Variants in EFTUD2 observed in about 807,000 individuals in gnomAD.
EFTUD2 encodes elongation factor Tu GTP binding domain containing 2.
Under a neutral mutation model 114.3 loss-of-function variants are expected in EFTUD2, and 9 were observed. The ratio of observed to expected loss-of-function variants is 0.08; its 90% CI spans 0.05 to 0.14. EFTUD2 has a LOEUF of 0.14. Among genes scored for constraint, EFTUD2 ranks in the 10% least tolerant of loss-of-function variants. The pLI, the probability that EFTUD2 is intolerant of heterozygous loss-of-function variation, is 1.00. For missense variants in EFTUD2, 765 were observed against 1,241.2 expected (o/e 0.62, Z 5.76); for synonymous variants, 449 against 462.3 (o/e 0.97, Z 0.37).
chr17:44,853,964 A>C, intron 23 of EFTUD2: 1 of 1,359,222 alleles, frequency 7.4e-7, no homozygotes, highest in South Asian at 1.9e-5. Context: ...AAGCCCAATC[A>C]GGGTCTATAA....
At chr17:44,882,884 C>A (rs998438990) in intron 6 of EFTUD2, among the ~76,000 whole-genome samples, 2 of 152,076 alleles carry the variant, frequency 1.3e-5, no homozygotes, top group African/African-American at 4.8e-5. Context: ...AATGGATCAT[C>A]CAAAAATACT....
At chr17:44,876,503 C>T (rs1326898468) in intron 9 of EFTUD2, among the ~76,000 whole-genome samples, 1 of 152,074 alleles carries the variant, frequency 6.6e-6, no homozygotes, top group East Asian at 1.9e-4. Context: ...GTGAGAGGGC[C>T]TAGAAGCAAT....
At position 44,859,069 on chromosome 17, in the gene EFTUD2, T is replaced by G; in HGVS notation, c.1962+11A>C. ...GACCGTGAACCCAGCTCCCGGCAGA[T>G]ACTGCTGTACCTTGATGTCTATCTC... On this transcript the variant is annotated intron_variant, in intron 19 of 27. Coordinates refer to ENST00000426333, the MANE Select transcript of EFTUD2 (RefSeq NM_004247.4). 1 of 1,586,600 alleles carries G rather than the reference T, an allele frequency of 6.3e-7. No homozygotes were observed. The highest frequency in any genetic ancestry group is 8.7e-7 in the Non-Finnish European group (1 of 1,154,882).
At chr17:44,857,810 C>A (rs2050583767) in intron 19 of EFTUD2, among the ~76,000 whole-genome samples, 3 of 152,140 alleles carry the variant, frequency 2.0e-5, no homozygotes, top group Non-Finnish European at 4.4e-5. Context: ...TTGAAACCAC[C>A]CACTCTGAGA....
At chr17:44,867,392 T>C (rs1192416761) in intron 13 of EFTUD2, among the ~76,000 whole-genome samples, 1 of 149,006 alleles carries the variant, frequency 6.7e-6, no homozygotes, top group Non-Finnish European at 1.5e-5. Flanking sequence ...CTCTGCCTCC[T>C]GAGTTCAAGC....
intron 2 of EFTUD2, chr17:44,892,400 AC>A (rs1168644398): frequency 6.6e-6 from 1 of 152,172 alleles, no homozygotes; most frequent in African/African-American, 2.4e-5. Context: ...TCTGCTGGTG[AC>A]CCATTAATCA....
intron 4 of EFTUD2, chr17:44,883,987 C>T (rs1442213639): frequency 2.3e-6 from 1 of 444,432 alleles, no homozygotes; most frequent in Non-Finnish European, 4.2e-6. Flanking sequence ...GAAGAAGAGG[C>T]TGGGCATGGT....
intron 2 of EFTUD2, chr17:44,892,209 G>A (rs776442837): frequency 2.0e-5 from 3 of 152,166 alleles, no homozygotes; most frequent in African/African-American, 4.8e-5. Flanking sequence ...GCTGAATGAC[G>A]GGGCACAATG....
chr17:44,868,252 C>G lies in EFTUD2; in HGVS notation c.1058+35G>C, dbSNP rs771458219. On this transcript the variant is annotated intron_variant, in intron 12 of 27. Coordinates refer to ENST00000426333, the MANE Select transcript of EFTUD2 (RefSeq NM_004247.4). ...TCCTCACTTACTGGGTAAATGATCA[C>G]CCCTCTGGAAAGTCACGTCCCATAC... The G allele has an allele frequency of 1.9e-6, 3 of 1,591,706 alleles. No individual in the cohort carries two copies. In the African/African-American group the frequency reaches 4.0e-5, roughly 21 times the overall value.
rs1405796821 is a variant in EFTUD2 at position 44,873,621 on chromosome 17, AT to A, written c.870-1052del. Among the ~76,000 whole-genome samples, 3 of 152,052 alleles carry A rather than the reference AT, an allele frequency of 2.0e-5. No homozygotes were observed. In the South Asian group the frequency reaches 6.2e-4, roughly 32 times the overall value. The stretch of plus-strand genomic sequence containing the variant: ...CTGCTTGGCCTCCCAAAGTGCTGGG[AT>A]TCTAGGTATAAGCCACTGTGCCTGG... On this transcript the variant is annotated intron_variant, in intron 10 of 27. Transcript: ENST00000426333.
chr17:44,894,624 C>A (rs1057224816), intron 1 of EFTUD2, 99 bp from the exon 2 acceptor site: 4 of 855,642 alleles, frequency 4.7e-6, no homozygotes, highest in East Asian at 4.9e-5. Flanking sequence ...GTTGGCCATA[C>A]CCCTTTCACA....
At chr17:44,861,474 CTATAA>C in intron 16 of EFTUD2, among the ~76,000 whole-genome samples, 1 of 149,570 alleles carries the variant, frequency 6.7e-6, no homozygotes, top group Admixed American at 6.7e-5. Flanking sequence ...TGGCTCACAC[CTATAA>C]TCCCAGCACT....
chr17:44,851,082 A>T lies in EFTUD2; in HGVS notation c.*192T>A, dbSNP rs984147195. The T allele has an allele frequency of 3.2e-5, 18 of 559,660 alleles. No homozygotes were observed. The South Asian group carries it at 3.9e-4, about 12-fold the overall frequency. The allele number at this position is 559,660 out of a possible 1,614,324, so 34.7% of individuals were successfully genotyped here. Reference sequence around the variant, plus strand: ...GAATGGAGCCCGGCAGAGGCCACAGAAGGAAGCAGGAGGCCAAATGCTCCT... The same window carrying T: ...GAATGGAGCCCGGCAGAGGCCACAGTAGGAAGCAGGAGGCCAAATGCTCCT... On this transcript the variant is annotated 3_prime_UTR_variant, in exon 28 of 28. Coordinates refer to ENST00000426333, the MANE Select transcript of EFTUD2 (RefSeq NM_004247.4).
At position 44,854,810 on chromosome 17, in the gene EFTUD2, G is replaced by A. The variant is rs373080968; in HGVS notation, c.2132+108C>T. 43 of 1,569,552 alleles carry A rather than the reference G, an allele frequency of 2.7e-5. No individual in the cohort carries two copies. The highest frequency in any genetic ancestry group is 3.5e-5 in the Non-Finnish European group (40 of 1,143,480). On this transcript the variant is annotated intron_variant, in intron 21 of 27. Coordinates refer to ENST00000426333, the MANE Select transcript of EFTUD2 (RefSeq NM_004247.4). The surrounding 1 kb of genome is among the most constrained non-coding windows in gnomAD (Gnocchi z 4.3). ...CACTGTGCCCAGAACAAGAGCAAAGGCAAAGACATAAATGCTCCCCAGAAA... is the reference window on the plus strand; with the variant it reads ...CACTGTGCCCAGAACAAGAGCAAAGACAAAGACATAAATGCTCCCCAGAAA...
chr17:44,871,989 C>T (rs556317085), intron 11 of EFTUD2, among the ~76,000 whole-genome samples: 41 of 152,266 alleles, frequency 2.7e-4, no homozygotes, highest in African/African-American at 9.4e-4. Context: ...TGATATCATG[C>T]GGCTGGGCAT....
chr17:44,864,604 T>C (rs557585269), intron 14 of EFTUD2, among the ~76,000 whole-genome samples: 1 of 152,330 alleles, frequency 6.6e-6, no homozygotes, highest in South Asian at 2.1e-4. Flanking sequence ...CTTTTTGCAC[T>C]ATTTCACACT....
At chr17:44,885,442 A>G (rs1597822276) in intron 3 of EFTUD2, 108 bp from the exon 4 acceptor site, 1 of 785,572 alleles carries the variant, frequency 1.3e-6, no homozygotes, top group East Asian at 2.5e-5. Flanking sequence ...TATGACATCA[A>G]TTTATTTTAC....
At chr17:44,851,407 G>A (rs772615359) in intron 27 of EFTUD2, 38 bp from the exon 28 acceptor site, 22 of 1,529,882 alleles carry the variant, frequency 1.4e-5, no homozygotes, top group Admixed American at 1.2e-4. Flanking sequence ...AGCCCGAGGT[G>A]GTCGCAGACT....
rs17545736 is a variant in EFTUD2, at chr17:44,872,749, C to G, written c.870-179G>C. 0.11 allele frequency: 61,998 copies of G among 566,872 alleles called. 3,714 individuals are homozygous for G. The highest frequency in any genetic ancestry group is 0.21 in the Middle Eastern group (360 of 1,706). 35.1% of individuals were successfully genotyped at this position (566,872 alleles called of 1,614,324 possible). On this transcript the variant is annotated intron_variant, in intron 10 of 27. Coordinates refer to ENST00000426333, the MANE Select transcript of EFTUD2 (RefSeq NM_004247.4). Reference sequence around the variant, plus strand: ...AAAGTGACATGATGGAGCTGTTCCCCTAATTCCCAATAACAAGTTGATTTC... The same window carrying G: ...AAAGTGACATGATGGAGCTGTTCCCGTAATTCCCAATAACAAGTTGATTTC...
Sources: gnomAD v4.1 joint callset for allele counts (sites outside exome capture counted in the v4.1 genomes callset) on GRCh38, gnomAD v4.1.1 for gene constraint, Gnocchi (gnomAD v3.1) non-coding constraint, MANE v1.5 for transcripts, NCBI Gene and HGNC (gene_info 2026-07-23, HGNC 2026-07-21) for gene names.